ARVCF: variants seen among roughly 807,000 people sequenced by gnomAD.
The protein encoded by ARVCF is ARVCF delta catenin family member, also known as splicing regulator ARVCF.
Under a neutral mutation model 90.9 loss-of-function variants are expected in ARVCF, and 66 were observed. The observed-to-expected ratio is 0.73, with a 90% confidence interval of 0.60 to 0.89. The LOEUF is 0.89. ARVCF is among the 40% of genes least tolerant of loss of function. ARVCF has a pLI of 0.00. For synonymous variants in ARVCF, 653 were observed against 603.4 expected, an observed-to-expected ratio of 1.08 and a Z score of -1.21; for missense variants, 1,469 against 1,382.3, an observed-to-expected ratio of 1.06 and a Z score of -1.00.
chr22:19,986,421 T>TC (rs377489746), intron 3 of ARVCF, among the ~76,000 whole-genome samples: 1 of 151,968 alleles, frequency 6.6e-6, no homozygotes, highest in South Asian at 2.1e-4. Flanking sequence ...TGCCTATGCC[T>TC]CCCCCCACCT....
chr22:19,977,662 T>A, intron 8 of ARVCF, 76 bp from the exon 9 acceptor site: 1 of 1,472,416 alleles, frequency 6.8e-7, no homozygotes, highest in Non-Finnish European at 9.0e-7. Flanking sequence ...TGGCCACAGC[T>A]GGTGTGCATG....
chr22:19,985,832 C>T (rs1187796549), intron 3 of ARVCF, among the ~76,000 whole-genome samples: 1 of 152,258 alleles, frequency 6.6e-6, no homozygotes, highest in Non-Finnish European at 1.5e-5. Context: ...CTGGATCCCA[C>T]ACCTGCAGGC....
At chr22:19,968,829 G>A, downstream of ARVCF, 1 of 1,266,590 alleles carries the variant, frequency 7.9e-7, no homozygotes, top group Non-Finnish European at 1.1e-6. Flanking sequence ...GCTCCGGGCT[G>A]TGTCCTAAAT....
In ARVCF at chr22:19,990,735, C is replaced by T. The variant is rs1441835763; in HGVS notation, c.60G>A (p.Glu20=). The T allele has an allele frequency of 6.3e-7, 1 of 1,592,458 alleles. No individual in the cohort carries two copies. Among genetic ancestry groups the T allele is most frequent in the South Asian group, 1.1e-5 (1 of 88,250 alleles). ...CCCGTGTCAGCCTCTCGAAGCGGGC[C>T]TCCTGCTCCTTCACCGAGGCCAGGA... ...ASILASVKEQ[E]ARFERLTRAL... The change falls in exon 3 of 20, where the codon GAG becomes GAA. Residue 20 remains glutamate, a synonymous_variant. Coordinates refer to ENST00000263207, the MANE Select transcript of ARVCF (RefSeq NM_001670.3).
intron 2 of ARVCF, among the ~76,000 whole-genome samples, chr22:19,994,914 G>A (rs1174026785): frequency 7.6e-6 from 1 of 132,192 alleles, no homozygotes; most frequent in Non-Finnish European, 1.6e-5. Flanking sequence ...ATGGATGGAT[G>A]GGGGGGGATG....
chr22:19,974,520 G>A (rs1171288274), intron 11 of ARVCF, among the ~76,000 whole-genome samples: 1 of 152,108 alleles, frequency 6.6e-6, no homozygotes, highest in Non-Finnish European at 1.5e-5. Flanking sequence ...AACCAGGAAC[G>A]CTCTCCTAGC....
intron 1 of ARVCF, among the ~76,000 whole-genome samples, chr22:20,014,840 C>T (rs1040763163): frequency 6.6e-6 from 1 of 152,270 alleles, no homozygotes; most frequent in African/African-American, 2.4e-5. Context: ...GCCTCATGCT[C>T]CCCCAGGCCA....
At chr22:20,013,950 G>A (rs1424506823) in intron 1 of ARVCF, among the ~76,000 whole-genome samples, 4 of 152,072 alleles carry the variant, frequency 2.6e-5, no homozygotes. Flanking sequence ...TTGGCTCACT[G>A]CAACCTCTGC....
chr22:20,009,014 C>T (rs1944734131), intron 2 of ARVCF, among the ~76,000 whole-genome samples: 2 of 152,138 alleles, frequency 1.3e-5, no homozygotes, highest in South Asian at 2.1e-4. Flanking sequence ...ACCTGCCCAG[C>T]CAACCACCCT....
chr22:20,007,627 C>T (rs1451733448), intron 2 of ARVCF, among the ~76,000 whole-genome samples: 1 of 152,200 alleles, frequency 6.6e-6, no homozygotes, highest in Non-Finnish European at 1.5e-5. Flanking sequence ...GGATTAATTC[C>T]GTTACAGTGG....
chr22:19,966,224 C>T (rs576328138), downstream of ARVCF, among the ~76,000 whole-genome samples: 24 of 152,190 alleles, frequency 1.6e-4, no homozygotes, highest in Middle Eastern at 3.4e-3. Flanking sequence ...GGCCCTGTGC[C>T]CCCTTGTGGA....
chr22:19,971,033 A>G (rs1200354797), intron 19 of ARVCF, among the ~76,000 whole-genome samples, 183 bp downstream of exon 19: 5 of 151,742 alleles, frequency 3.3e-5, no homozygotes, highest in Admixed American at 1.3e-4. Flanking sequence ...CCCAGGGAGC[A>G]CCCTCCCTCT....
chr22:19,973,535 G>GC, intron 13 of ARVCF, 108 bp downstream of exon 13: 1 of 1,496,816 alleles, frequency 6.7e-7, no homozygotes, highest in Non-Finnish European at 8.9e-7. Flanking sequence ...AAGCGAGAGG[G>GC]CCGGGGCCTG....
downstream of ARVCF, among the ~76,000 whole-genome samples, chr22:19,966,769 GTC>G (rs1942421012): frequency 6.6e-6 from 1 of 150,532 alleles, no homozygotes; most frequent in Admixed American, 6.6e-5. Flanking sequence ...TCTCGAGACA[GTC>G]TCTCGCTCTG....
chr22:19,994,370 G>A (rs1944147063), intron 2 of ARVCF, among the ~76,000 whole-genome samples: 1 of 148,916 alleles, frequency 6.7e-6, no homozygotes, highest in African/African-American at 2.5e-5. Flanking sequence ...ATGGATGGGT[G>A]GGTGGGGGGA....
downstream of ARVCF, among the ~76,000 whole-genome samples, chr22:19,968,261 AT>A (rs1942532341): frequency 6.6e-6 from 1 of 152,140 alleles, no homozygotes; most frequent in Admixed American, 6.5e-5. Flanking sequence ...TGTGTGCCAC[AT>A]GCTGTTCTAA....
chr22:19,972,841 C>G lies in ARVCF; in HGVS notation c.2551-14G>C. The G allele has an allele frequency of 6.2e-7, 1 of 1,613,588 alleles. No individual in the cohort carries two copies. The highest frequency in any genetic ancestry group is 8.5e-7 in the Non-Finnish European group (1 of 1,179,806). On this transcript the variant is annotated splice_polypyrimidine_tract_variant and intron_variant, in intron 15 of 19. Coordinates refer to ENST00000263207, the MANE Select transcript of ARVCF (RefSeq NM_001670.3). ...AGCAGCAGCTGACTGAGACATAAAA[C>G]ACAGACACAGGGTGGGTGAAGCACA...
chr22:19,990,517 C>T (rs2146379247), intron 3 of ARVCF, 68 bp downstream of exon 3: 3 of 1,506,180 alleles, frequency 2.0e-6, no homozygotes, highest in Non-Finnish European at 2.7e-6. Context: ...GGCTTGTGGT[C>T]CACCAGGACC....
intron 1 of ARVCF, among the ~76,000 whole-genome samples, chr22:20,013,564 G>A (rs1411020322): frequency 6.6e-6 from 1 of 152,258 alleles, no homozygotes; most frequent in African/African-American, 2.4e-5. Flanking sequence ...GGGTGGAGCC[G>A]GTCTTGCCTG....
Sources: allele counts gnomAD v4.1 joint callset (sites outside exome capture counted in the v4.1 genomes callset), GRCh38; gene constraint gnomAD v4.1.1; transcripts MANE v1.5; gene names NCBI Gene and HGNC (gene_info 2026-07-23, HGNC 2026-07-21).